Variants in KLF15 observed in about 807,000 individuals in gnomAD.
The protein encoded by KLF15 is Krueppel-like factor 15.
A neutral mutation model predicts 24.6 loss-of-function variants in KLF15; 4 were observed. The observed-to-expected ratio is 0.16, with a 90% CI of 0.08 to 0.37. The LOEUF (loss-of-function observed/expected upper bound fraction) is 0.37, where lower values mean the gene tolerates loss of function less well. Among genes scored for constraint, KLF15 ranks in the 10% least tolerant of loss-of-function variants. The probability of loss-of-function intolerance (pLI) is 1.00; values close to 1 mark genes in which losing one functional copy is unlikely to be tolerated. For synonymous variants in KLF15, 246 were observed against 236.3 expected, an observed-to-expected ratio of 1.04 and a Z score of -0.37; for missense variants, 496 against 560.6, an observed-to-expected ratio of 0.88 and a Z score of 1.16.
chr3:126,289,525 C>A, the KLF15 span, among the ~76,000 whole-genome samples: 5 of 152,176 alleles, frequency 3.3e-5, no homozygotes, highest in Non-Finnish European at 7.3e-5. Context: ...GACAAAGTAA[C>A]CGGCCCCTAA....
chr3:126,310,329 T>G, the KLF15 span, among the ~76,000 whole-genome samples: 1 of 152,248 alleles, frequency 6.6e-6, no homozygotes, highest in African/African-American at 2.4e-5. Context: ...TGCCCAGGCC[T>G]GGCTGCAGGC....
chr3:126,307,542 C>T, the KLF15 span, among the ~76,000 whole-genome samples: 25 of 152,150 alleles, frequency 1.6e-4, no homozygotes, highest in East Asian at 5.8e-4. Flanking sequence ...TAATGACCCC[C>T]GACACAGCCA....
chr3:126,304,806 G>T, the KLF15 span, among the ~76,000 whole-genome samples: 1 of 152,220 alleles, frequency 6.6e-6, no homozygotes, highest in African/African-American at 2.4e-5. Flanking sequence ...GAAATTCACC[G>T]AGTATGAGCT....
At chr3:126,320,668 C>G in the KLF15 span, among the ~76,000 whole-genome samples, 2 of 152,174 alleles carry the variant, frequency 1.3e-5, no homozygotes, top group African/African-American at 4.8e-5. Context: ...AAGAAGATGT[C>G]CCCTGGTGTC....
chr3:126,350,278 C>T (rs989112646), intron 2 of KLF15, among the ~76,000 whole-genome samples: 11 of 152,244 alleles, frequency 7.2e-5, no homozygotes, highest in Admixed American at 6.5e-4. Flanking sequence ...TGCACCCACT[C>T]GGCAGGCCTA....
chr3:126,303,530 A>T, the KLF15 span, among the ~76,000 whole-genome samples: 8 of 152,002 alleles, frequency 5.3e-5, no homozygotes. Context: ...CTCTGTATGT[A>T]ATATGCCTTT....
chr3:126,289,091 T>C, the KLF15 span, among the ~76,000 whole-genome samples: 1 of 152,228 alleles, frequency 6.6e-6, no homozygotes, highest in Admixed American at 6.5e-5. Flanking sequence ...GCTGGAAAGA[T>C]GGAAGGTCAA....
rs148463152 is a variant in KLF15 at position 126,347,091 on chromosome 3, T to C, written c.1083-3196A>G. 7.6e-4 allele frequency among the ~76,000 whole-genome samples: 116 copies of C among 152,306 alleles called. 1 individual carries two copies. In the East Asian group the frequency reaches 0.018, roughly 23 times the overall value. On this transcript the variant is annotated intron_variant, in intron 2 of 2. Transcript: ENST00000296233. ...TCCTGCTGCAGACAGGGCAGCACTA[T>C]GATTTGTGCTGAGCTGTAGGGCAGA...
At chr3:126,330,272 T>C in the KLF15 span, among the ~76,000 whole-genome samples, 3 of 152,180 alleles carry the variant, frequency 2.0e-5, no homozygotes, top group South Asian at 2.1e-4. Flanking sequence ...ACCCACAGGA[T>C]CATAGCTCTA....
the KLF15 span, among the ~76,000 whole-genome samples, chr3:126,334,941 A>C: frequency 1.8e-5 from 2 of 110,108 alleles, no homozygotes; most frequent in African/African-American, 4.0e-5. Context: ...ATAGTTTACC[A>C]ACCAAAAAGA....
At chr3:126,291,184 G>C in the KLF15 span, 1 of 152,278 alleles carries the variant, frequency 6.6e-6, no homozygotes, top group Admixed American at 6.5e-5. Flanking sequence ...GAGGATGGCA[G>C]AAACCTACTT....
the KLF15 span, among the ~76,000 whole-genome samples, chr3:126,295,025 C>T: frequency 6.6e-6 from 1 of 152,154 alleles, no homozygotes; most frequent in Non-Finnish European, 1.5e-5. Context: ...CACACATACA[C>T]ATGTGCACAT....
the KLF15 span, among the ~76,000 whole-genome samples, chr3:126,295,595 C>CCCAGAGA: frequency 1.3e-5 from 2 of 152,194 alleles, no homozygotes; most frequent in Non-Finnish European, 2.9e-5. Context: ...CTCCCCTCCA[C>CCCAGAGA]CCAGAGATGT....
At chr3:126,329,341 G>T in the KLF15 span, among the ~76,000 whole-genome samples, 1 of 152,108 alleles carries the variant, frequency 6.6e-6, no homozygotes, top group Non-Finnish European at 1.5e-5. Context: ...AACCTCAGCT[G>T]GGTGTGGTGG....
the KLF15 span, among the ~76,000 whole-genome samples, chr3:126,294,744 G>GT: frequency 6.6e-6 from 1 of 151,982 alleles, no homozygotes; most frequent in Non-Finnish European, 1.5e-5. Context: ...AGAAAATCGG[G>GT]TTCCTTCTTT....
chr3:126,320,742 C>T, the KLF15 span, among the ~76,000 whole-genome samples: 1 of 152,036 alleles, frequency 6.6e-6, no homozygotes, highest in Non-Finnish European at 1.5e-5. Flanking sequence ...GCCAGAGCTG[C>T]CCTCTGGGGC....
chr3:126,310,518 A>G, the KLF15 span, among the ~76,000 whole-genome samples: 1 of 152,188 alleles, frequency 6.6e-6, no homozygotes, highest in African/African-American at 2.4e-5. Context: ...TTAGGCTACC[A>G]TAGCAAAATC....
At chr3:126,323,427 ATATATATAACATATATAT>A in the KLF15 span, among the ~76,000 whole-genome samples, 2 of 42,352 alleles carry the variant, frequency 4.7e-5, no homozygotes, top group Non-Finnish European at 1.0e-4. Flanking sequence ...ATATATATAT[ATATATATAACATATATAT>A]GTTATATATA....
chr3:126,311,320 A>G, the KLF15 span, among the ~76,000 whole-genome samples: 106 of 152,242 alleles, frequency 7.0e-4, no homozygotes, highest in Non-Finnish European at 8.7e-4. Flanking sequence ...TCTCTTCCCA[A>G]ACCAAGCTCC....
Sources: gnomAD v4.1 joint callset for allele counts (sites outside exome capture counted in the v4.1 genomes callset) on GRCh38, gnomAD v4.1.1 for gene constraint, MANE v1.5 for transcripts, NCBI Gene and HGNC (gene_info 2026-07-23, HGNC 2026-07-21) for gene names.